The following SLC25A31 variants were observed in gnomAD, a reference collection of about 807,000 sequenced individuals.
SLC25A31 encodes solute carrier family 25 member 31.
Under a neutral mutation model 36.2 loss-of-function variants are expected in SLC25A31, and 40 were observed. That is an observed-to-expected ratio of 1.10 (90% CI 0.86 to 1.44). SLC25A31 has a LOEUF of 1.44. Ranked by LOEUF, SLC25A31 falls within the 40% of genes most tolerant of loss-of-function variation. The pLI is 0.00. For missense variants in SLC25A31, 350 were observed against 397.1 expected (o/e 0.88, Z 1.01); for synonymous variants, 143 against 149.7 (o/e 0.96, Z 0.32).
intron 2 of SLC25A31, among the ~76,000 whole-genome samples, chr4:127,763,821 A>G (rs997920797): frequency 2.0e-5 from 3 of 152,140 alleles, no homozygotes; most frequent in African/African-American, 7.2e-5. Flanking sequence ...TACTTACTTC[A>G]CCCTTCACAG....
intron 1 of SLC25A31, among the ~76,000 whole-genome samples, chr4:127,735,807 CA>C (rs34015425): frequency 5.1e-4 from 54 of 105,438 alleles, no homozygotes; most frequent in South Asian, 1.5e-3. Flanking sequence ...ACCTCCCCTG[CA>C]AAAAAAAAAA....
At chr4:127,754,724 A>G (rs961190538) in intron 2 of SLC25A31, among the ~76,000 whole-genome samples, 7 of 152,164 alleles carry the variant, frequency 4.6e-5, no homozygotes, top group Non-Finnish European at 1.0e-4. Flanking sequence ...AAAAATTAAT[A>G]CTATTAAAAT....
At chr4:127,748,644 G>A (rs1731866609) in intron 2 of SLC25A31, among the ~76,000 whole-genome samples, 1 of 152,152 alleles carries the variant, frequency 6.6e-6, no homozygotes, top group South Asian at 2.1e-4. Context: ...GCTCACTACA[G>A]TTTTTGGTTA....
intron 2 of SLC25A31, among the ~76,000 whole-genome samples, chr4:127,759,910 A>G (rs968909327): frequency 1.3e-5 from 2 of 152,336 alleles, no homozygotes; most frequent in East Asian, 1.9e-4. Context: ...CAAAGGTTAT[A>G]TGCTTTCTGA....
rs749452091 is a variant in SLC25A31, at chr4:127,730,795, G to A, written c.232+18G>A. 3 of 1,591,254 alleles carry A rather than the reference G, an allele frequency of 1.9e-6. No individual in the cohort carries two copies. The highest frequency in any genetic ancestry group is 3.4e-5 in the Admixed American group (2 of 59,176). ...CGAGCAGGGTGCGTCAAGGCAGGCC[G>A]CCCCGACAGCCTCTCCCGGCGCCCT... On this transcript the variant is annotated intron_variant, in intron 1 of 5. Coordinates refer to ENST00000281154, the MANE Select transcript of SLC25A31 (RefSeq NM_031291.4).
chr4:127,739,734 C>G (rs1731698284), intron 1 of SLC25A31, among the ~76,000 whole-genome samples: 1 of 151,990 alleles, frequency 6.6e-6, no homozygotes, highest in South Asian at 2.1e-4. Flanking sequence ...GGTTTGGCTG[C>G]TTTACATAAT....
intron 1 of SLC25A31, among the ~76,000 whole-genome samples, chr4:127,741,522 C>CAATTTGTG (rs1731732195): frequency 6.6e-6 from 1 of 152,032 alleles, no homozygotes; most frequent in Non-Finnish European, 1.5e-5. Flanking sequence ...TGACATTTAC[C>CAATTTGTG]CATTTGTGCA....
Position 127,731,031 on chromosome 4 carries a change from G to C in SLC25A31, c.232+254G>C, listed in dbSNP as rs1254508512. ...CCTTCTCTTTCTCTAAATCTGCAGT[G>C]CGATTTACACCTTGGTGCACCTGTG... On this transcript the variant is annotated intron_variant, in intron 1 of 5. Transcript: ENST00000281154. Among the ~76,000 whole-genome samples the C allele has an allele frequency of 4.6e-5, 7 of 152,314 alleles. No homozygotes were observed. The East Asian group carries it at 1.4e-3, about 29-fold the overall frequency.
At position 127,768,704 on chromosome 4, in the gene SLC25A31, G is replaced by A. The variant is rs781021317; in HGVS notation, c.634-48G>A. ...ATTATCCTTTAACTTAAGAATTTAA[G>A]ATATTTTAGAAATTTGGATAGTTAC... On this transcript the variant is annotated intron_variant, in intron 4 of 5. Transcript: ENST00000281154. The A allele has an allele frequency of 7.4e-6, 11 of 1,484,288 alleles. No individual in the cohort carries two copies. The South Asian group carries it at 1.4e-4, about 19-fold the overall frequency. The allele number at this position is 1,484,288 out of a possible 1,614,324, so 91.9% of individuals were successfully genotyped here.
intron 2 of SLC25A31, among the ~76,000 whole-genome samples, chr4:127,755,459 C>T (rs2148760186): frequency 6.6e-6 from 1 of 152,140 alleles, no homozygotes; most frequent in East Asian, 1.9e-4. Context: ...AAACAAATGA[C>T]CTGATTAGAA....
At chr4:127,733,059 G>A (rs1334225952) in intron 1 of SLC25A31, among the ~76,000 whole-genome samples, 2 of 152,146 alleles carry the variant, frequency 1.3e-5, no homozygotes, top group Non-Finnish European at 2.9e-5. Context: ...GTTTCTCTAA[G>A]CCTAGAAATA....
intron 2 of SLC25A31, among the ~76,000 whole-genome samples, chr4:127,751,909 T>C (rs1017766937): frequency 2.6e-5 from 4 of 151,948 alleles, no homozygotes; most frequent in African/African-American, 4.8e-5. Context: ...CATTAAAAAG[T>C]CAGGAAACAA....
chr4:127,730,831 C>G (rs910605668), intron 1 of SLC25A31, 54 bp downstream of exon 1: 4 of 1,518,838 alleles, frequency 2.6e-6, no homozygotes, highest in Non-Finnish European at 3.6e-6. Context: ...CGTCAGCTTC[C>G]CAGAGAAGAG....
At chr4:127,737,713 G>C (rs1433868768) in intron 1 of SLC25A31, among the ~76,000 whole-genome samples, 2 of 152,098 alleles carry the variant, frequency 1.3e-5, no homozygotes, top group Non-Finnish European at 2.9e-5. Context: ...CACCATGGCA[G>C]CTAAGTTTGT....
intron 1 of SLC25A31, among the ~76,000 whole-genome samples, chr4:127,734,576 A>T (rs938989876): frequency 6.0e-5 from 9 of 149,434 alleles, no homozygotes; most frequent in Admixed American, 1.3e-4. Context: ...AAAAAAAAAA[A>T]AAAAAAGATC....
intron 1 of SLC25A31, among the ~76,000 whole-genome samples, chr4:127,734,661 T>C (rs1295235505): frequency 1.3e-5 from 2 of 151,700 alleles, no homozygotes; most frequent in Non-Finnish European, 2.9e-5. Flanking sequence ...TTATCAGCTT[T>C]CATCTAAGCT....
chr4:127,738,924 A>C (rs1731683492), intron 1 of SLC25A31, among the ~76,000 whole-genome samples: 1 of 151,828 alleles, frequency 6.6e-6, no homozygotes, highest in African/African-American at 2.4e-5. Context: ...AAGAATAATG[A>C]CCCCTGCTCT....
At chr4:127,739,364 G>A (rs1254360566) in intron 1 of SLC25A31, among the ~76,000 whole-genome samples, 2 of 152,110 alleles carry the variant, frequency 1.3e-5, no homozygotes, top group African/African-American at 4.8e-5. Flanking sequence ...ATTTAGTTTG[G>A]TGTGATATGA....
intron 1 of SLC25A31, among the ~76,000 whole-genome samples, chr4:127,732,979 A>T (rs892502114): frequency 2.0e-5 from 3 of 152,340 alleles, no homozygotes; most frequent in Admixed American, 1.3e-4. Flanking sequence ...CATGATGAAG[A>T]TTTATCCCGC....
Sources: gnomAD v4.1 joint callset for allele counts (sites outside exome capture counted in the v4.1 genomes callset) on GRCh38, gnomAD v4.1.1 for gene constraint, MANE v1.5 for transcripts, NCBI Gene and HGNC (gene_info 2026-07-23, HGNC 2026-07-21) for gene names.